CDH13: variants seen among roughly 807,000 people sequenced by gnomAD.
The protein encoded by CDH13 is cadherin-13.
Under a neutral mutation model 63.8 loss-of-function variants are expected in CDH13, and 24 were observed. The ratio of observed to expected loss-of-function variants is 0.38; its 90% CI spans 0.27 to 0.53. The LOEUF is 0.53. CDH13 is among the 20% of genes least tolerant of loss of function. CDH13 has a pLI of 0.85. For synonymous variants in CDH13, 503 were observed against 355.3 expected (o/e 1.42, Z -4.67); for missense variants, 1,049 against 903.1 (o/e 1.16, Z -2.07).
chr16:83,356,245 T>C (rs900529463), intron 6 of CDH13, among the ~76,000 whole-genome samples: 1 of 151,198 alleles, frequency 6.6e-6, no homozygotes, highest in Non-Finnish European at 1.5e-5. Context: ...TGTGTGTGTG[T>C]GTGTGTGTGT....
intron 6 of CDH13, among the ~76,000 whole-genome samples, chr16:83,456,007 A>C (rs1220124925): frequency 6.6e-6 from 1 of 152,198 alleles, no homozygotes; most frequent in Non-Finnish European, 1.5e-5. Context: ...CACTGCTGTT[A>C]CCCTGCTGTC....
chr16:83,672,409 C>CTGTTTTTT (rs1914579088), intron 9 of CDH13, among the ~76,000 whole-genome samples: 1 of 35,108 alleles, frequency 2.8e-5, no homozygotes, highest in Non-Finnish European at 5.0e-5. Context: ...TCTGGATTCT[C>CTGTTTTTT]TTTTTTTTTT....
intron 6 of CDH13, among the ~76,000 whole-genome samples, chr16:83,411,127 G>A (rs940799516): frequency 4.6e-5 from 7 of 152,074 alleles, no homozygotes; most frequent in Non-Finnish European, 7.4e-5. Flanking sequence ...TCTTTCTATG[G>A]CTTAAAGGTG....
At chr16:82,628,459 T>G (rs773782662) in intron 1 of CDH13, among the ~76,000 whole-genome samples, 3 of 152,134 alleles carry the variant, frequency 2.0e-5, no homozygotes, top group Non-Finnish European at 4.4e-5. Flanking sequence ...GAGACCACTG[T>G]TAGAGCAATG....
intron 6 of CDH13, chr16:83,398,306 C>G (rs1567644862): frequency 6.6e-6 from 1 of 152,288 alleles, no homozygotes; most frequent in Non-Finnish European, 1.5e-5. Flanking sequence ...AGGGGAGGAT[C>G]CTTCCTTGCC....
At chr16:83,654,150 G>A (rs1441856670) in intron 8 of CDH13, among the ~76,000 whole-genome samples, 1 of 152,078 alleles carries the variant, frequency 6.6e-6, no homozygotes, top group African/African-American at 2.4e-5. Context: ...AATCATTCCA[G>A]CAGAGACTTG....
intron 2 of CDH13, among the ~76,000 whole-genome samples, chr16:82,963,108 C>T (rs9888838): frequency 0.05 from 7,656 of 151,974 alleles, 654 homozygotes; most frequent in African/African-American, 0.18. Context: ...TGGTGGCTCA[C>T]ACCTGTAATC....
intron 3 of CDH13, among the ~76,000 whole-genome samples, chr16:83,087,418 C>G (rs1027588687): frequency 1.3e-5 from 2 of 151,970 alleles, no homozygotes; most frequent in South Asian, 2.1e-4. Context: ...GCCTGTAATC[C>G]CAGCACTTTG....
At chr16:83,112,912 G>A (rs936260228) in intron 3 of CDH13, among the ~76,000 whole-genome samples, 17 of 152,034 alleles carry the variant, frequency 1.1e-4, no homozygotes, top group Admixed American at 5.9e-4. Context: ...CTTTAAGACC[G>A]GCTTATAAAT....
intron 5 of CDH13, among the ~76,000 whole-genome samples, chr16:83,309,046 C>G (rs946445087): frequency 2.0e-5 from 3 of 152,274 alleles, no homozygotes; most frequent in African/African-American, 7.2e-5. Flanking sequence ...TGCCTCAGTC[C>G]TCAGAACCAC....
chr16:83,357,470 T>G (rs1433618233), intron 6 of CDH13, among the ~76,000 whole-genome samples: 1 of 152,172 alleles, frequency 6.6e-6, no homozygotes, highest in Non-Finnish European at 1.5e-5. Flanking sequence ...CTGGAAATAT[T>G]GACCCACGCA....
chr16:83,512,109 C>T, intron 7 of CDH13, among the ~76,000 whole-genome samples: 1 of 151,514 alleles, frequency 6.6e-6, no homozygotes, highest in Non-Finnish European at 1.5e-5. Context: ...ATCACGAGGT[C>T]TGGAGGTGGA....
intron 1 of CDH13, among the ~76,000 whole-genome samples, chr16:82,810,171 A>G (rs528871667): frequency 6.6e-6 from 1 of 152,238 alleles, no homozygotes; most frequent in Non-Finnish European, 1.5e-5. Context: ...ATGAGATGTT[A>G]TCCAGAGACA....
intron 1 of CDH13, chr16:82,826,337 A>C (rs1373270057): frequency 6.6e-6 from 1 of 152,180 alleles, no homozygotes; most frequent in Non-Finnish European, 1.5e-5. Context: ...AAATTGTCCA[A>C]GTTGAAATTC....
intron 2 of CDH13, among the ~76,000 whole-genome samples, chr16:82,928,430 C>G (rs2042374714): frequency 6.6e-6 from 1 of 152,128 alleles, no homozygotes; most frequent in Non-Finnish European, 1.5e-5. Flanking sequence ...TTGACACAGA[C>G]CATTAACTGT....
intron 2 of CDH13, among the ~76,000 whole-genome samples, chr16:82,959,661 CTTTT>C (rs1363960496): frequency 6.6e-6 from 1 of 152,198 alleles, no homozygotes; most frequent in Non-Finnish European, 1.5e-5. Flanking sequence ...TGAGAAGACT[CTTTT>C]TAAGGTCAGC....
chr16:83,084,706 T>C (rs1265264702), intron 3 of CDH13, among the ~76,000 whole-genome samples: 1 of 151,972 alleles, frequency 6.6e-6, no homozygotes, highest in Admixed American at 6.5e-5. Flanking sequence ...CTGGCCAACA[T>C]GGTGAAACCC....
intron 7 of CDH13, among the ~76,000 whole-genome samples, chr16:83,550,472 T>C (rs886390006): frequency 1.4e-4 from 21 of 152,200 alleles, no homozygotes; most frequent in Non-Finnish European, 2.6e-4. Context: ...GTCTTAATGA[T>C]GGAGACAATT....
At chr16:83,524,386 C>T (rs1377810477) in intron 7 of CDH13, among the ~76,000 whole-genome samples, 1 of 149,634 alleles carries the variant, frequency 6.7e-6, no homozygotes, top group Non-Finnish European at 1.5e-5. Context: ...TCACACAGGT[C>T]TTCCAGCCTG....
Sources: allele counts gnomAD v4.1 joint callset (sites outside exome capture counted in the v4.1 genomes callset), GRCh38; gene constraint gnomAD v4.1.1; transcripts MANE v1.5; gene names NCBI Gene and HGNC (gene_info 2026-07-23, HGNC 2026-07-21).